The following CWH43 variants were observed in gnomAD, a reference collection of about 807,000 sequenced individuals.
CWH43 encodes cell wall biogenesis 43 C-terminal homolog, also known as PGAP2-interacting protein.
CWH43 carries 91 observed loss-of-function variants against 85.7 expected under a neutral mutation model. The ratio of observed to expected loss-of-function variants is 1.06; its 90% CI spans 0.90 to 1.26. The LOEUF is 1.26. CWH43 is among the 50% of genes most tolerant of loss of function. The pLI, the probability that CWH43 is intolerant of heterozygous loss-of-function variation, is 0.00. For synonymous variants in CWH43, 323 were observed against 293.6 expected, an observed-to-expected ratio of 1.10 and a Z score of -1.02; for missense variants, 869 against 839.2, an observed-to-expected ratio of 1.04 and a Z score of -0.44.
chr4:48,986,280 G>C lies in CWH43; in HGVS notation c.-150G>C, dbSNP rs1207026043. 1 of 734,804 alleles carries C rather than the reference G, an allele frequency of 1.4e-6. No individual in the cohort carries two copies. The highest frequency in any genetic ancestry group is 1.9e-5 in the South Asian group (1 of 52,878). 45.5% of individuals were successfully genotyped at this position (734,804 alleles called of 1,614,324 possible). On this transcript the variant is annotated 5_prime_UTR_variant, in exon 1 of 16. Coordinates refer to ENST00000226432, the MANE Select transcript of CWH43 (RefSeq NM_025087.3). ...CTCGGTTCGGCAAGTGGGTCAGTTG[G>C]CTGGGGCTCACTTGGCAACGGGACG... is the stretch of plus-strand genomic sequence containing the variant.
chr4:48,991,592 T>C lies in CWH43; in HGVS notation c.356+18T>C. On this transcript the variant is annotated intron_variant, in intron 3 of 15. Coordinates refer to ENST00000226432, the MANE Select transcript of CWH43 (RefSeq NM_025087.3). Reference sequence around the variant, plus strand: ...TTGCAAAGGTATGGTTAATGTTTCATGTACTTATAGACAAACAAGTATAAC... The same window carrying C: ...TTGCAAAGGTATGGTTAATGTTTCACGTACTTATAGACAAACAAGTATAAC... The C allele has an allele frequency of 6.2e-7, 1 of 1,613,368 alleles. No individual in the cohort carries two copies. The highest frequency in any genetic ancestry group is 8.5e-7 in the Non-Finnish European group (1 of 1,179,756).
rs552432095 is a variant in CWH43, at chr4:49,021,552, A to C, written c.1266+4224A>C. The stretch of plus-strand genomic sequence containing the variant: ...TATGCAGACTCTTTTTTTGTTCCAT[A>C]TGAATTTTAGGATTTTTTTCCAGTT... On this transcript the variant is annotated intron_variant, in intron 9 of 15. Transcript: ENST00000226432. 2.0e-5 allele frequency among the ~76,000 whole-genome samples: 3 copies of C among 152,102 alleles called. No homozygotes were observed. The South Asian group carries it at 6.2e-4, about 32-fold the overall frequency.
At chr4:49,045,693 C>T (rs544898153) in intron 14 of CWH43, among the ~76,000 whole-genome samples, 5 of 152,204 alleles carry the variant, frequency 3.3e-5, no homozygotes, top group South Asian at 2.1e-4. Flanking sequence ...ATGACAAAAT[C>T]GCCTTATGAC....
intron 13 of CWH43, among the ~76,000 whole-genome samples, chr4:49,039,306 G>GATATATATATATATATATATAT (rs71600797): frequency 0.045 from 206 of 4,534 alleles, 42 homozygotes; most frequent in South Asian, 0.056. Context: ...TCAGGAGACT[G>GATATATATATATATATATATAT]ATATATATAT....
At chr4:49,042,470 G>T (rs2109826987) in intron 13 of CWH43, among the ~76,000 whole-genome samples, 1 of 152,326 alleles carries the variant, frequency 6.6e-6, no homozygotes, top group East Asian at 1.9e-4. Context: ...TTTGGGCTGA[G>T]TTTGAGGCAT....
At chr4:49,036,578 C>T (rs1045090766) in intron 12 of CWH43, among the ~76,000 whole-genome samples, 1 of 152,082 alleles carries the variant, frequency 6.6e-6, no homozygotes, top group African/African-American at 2.4e-5. Flanking sequence ...TGTCATTTTC[C>T]CCCTTAACAC....
chr4:49,030,107 G>C (rs1784046595), intron 10 of CWH43, among the ~76,000 whole-genome samples: 1 of 152,222 alleles, frequency 6.6e-6, no homozygotes, highest in Non-Finnish European at 1.5e-5. Flanking sequence ...ATGGGTCAGA[G>C]GGAGGTTGAT....
intron 9 of CWH43, among the ~76,000 whole-genome samples, chr4:49,017,996 C>T (rs1471121808): frequency 2.0e-5 from 3 of 151,858 alleles, no homozygotes; most frequent in Non-Finnish European, 2.9e-5. Context: ...CCACCATGCC[C>T]GGCTAATTTT....
chr4:48,988,333 C>A, intron 1 of CWH43, 144 bp from the exon 2 acceptor site: 1 of 466,520 alleles, frequency 2.1e-6, no homozygotes, highest in South Asian at 5.7e-5. Context: ...TGTTCCATGT[C>A]AGTGGAGACA....
chr4:49,037,233 G>A lies in CWH43; in HGVS notation c.1659-803G>A, dbSNP rs75928142. Among the ~76,000 whole-genome samples the A allele has an allele frequency of 9.7e-3, 1,474 of 152,258 alleles. 18 individuals carry two copies. The highest frequency in any genetic ancestry group is 0.029 in the African/African-American group (1,225 of 41,542). On this transcript the variant is annotated intron_variant, in intron 12 of 15. Transcript: ENST00000226432. ...GTGCTTAGCATAATAAAAGCACCAT[G>A]TTCAGCTGGTGTTTGAGCAGGAGAG...
rs1785179415 is a variant in CWH43, at chr4:49,062,078, A to G, written c.*188A>G. 1 of 322,466 alleles carries G rather than the reference A, an allele frequency of 3.1e-6. No homozygotes were observed. The highest frequency in any genetic ancestry group is 5.3e-6 in the Non-Finnish European group (1 of 189,588). The allele number at this position is 322,466 out of a possible 1,614,324, so 20.0% of individuals were successfully genotyped here. A position where few individuals can be genotyped will look rare whatever the true frequency, so the allele number is the denominator to read the frequency against. On this transcript the variant is annotated 3_prime_UTR_variant, in exon 16 of 16. Coordinates refer to ENST00000226432, the MANE Select transcript of CWH43 (RefSeq NM_025087.3). The stretch of plus-strand genomic sequence containing the variant: ...GTTGCTTAATAAAAACATTTCTCTA[A>G]ATTGTTTTCCCTAAATTTTGATAAA...
chr4:49,011,337 T>G (rs1195459086), intron 8 of CWH43, among the ~76,000 whole-genome samples: 1 of 152,150 alleles, frequency 6.6e-6, no homozygotes, highest in Admixed American at 6.6e-5. Flanking sequence ...TTGGTAGATC[T>G]TCCTCCATCC....
chr4:49,039,915 T>G (rs1784403873), intron 13 of CWH43, among the ~76,000 whole-genome samples: 1 of 150,870 alleles, frequency 6.6e-6, no homozygotes, highest in Non-Finnish European at 1.5e-5. Flanking sequence ...CCCACAACAG[T>G]CTCCAGAGTG....
intron 6 of CWH43, among the ~76,000 whole-genome samples, chr4:49,000,205 A>C (rs1360041101): frequency 6.6e-6 from 1 of 152,184 alleles, no homozygotes; most frequent in Non-Finnish European, 1.5e-5. Flanking sequence ...TATCAGTAAT[A>C]GAAGATTTAG....
At chr4:49,002,768 C>T (rs1228494043) in intron 6 of CWH43, among the ~76,000 whole-genome samples, 1 of 152,068 alleles carries the variant, frequency 6.6e-6, no homozygotes, top group Non-Finnish European at 1.5e-5. Flanking sequence ...AATAGGCAGT[C>T]AGGCAGGTGG....
chr4:49,003,658 G>T, intron 6 of CWH43, 77 bp from the exon 7 acceptor site: 1 of 1,442,040 alleles, frequency 6.9e-7, no homozygotes, highest in South Asian at 1.3e-5. Context: ...GGTCTGTTCT[G>T]GTCCTAAAGG....
At chr4:48,993,059 C>T (rs1484209581) in intron 4 of CWH43, among the ~76,000 whole-genome samples, 1 of 152,164 alleles carries the variant, frequency 6.6e-6, no homozygotes, top group Non-Finnish European at 1.5e-5. Flanking sequence ...CTGTTTACAT[C>T]TCCTGACTTT....
At chr4:49,048,179 A>G (rs1450028494) in intron 14 of CWH43, among the ~76,000 whole-genome samples, 2 of 152,152 alleles carry the variant, frequency 1.3e-5, no homozygotes, top group Non-Finnish European at 2.9e-5. Flanking sequence ...GTTGGGAACC[A>G]AGGAACAGTG....
At chr4:49,048,568 T>A (rs1784702582) in intron 14 of CWH43, among the ~76,000 whole-genome samples, 3 of 152,042 alleles carry the variant, frequency 2.0e-5, no homozygotes, top group Admixed American at 2.0e-4. Context: ...GGTGTCTGGT[T>A]AGGACTGTCC....
Sources: gnomAD v4.1 joint callset for allele counts (sites outside exome capture counted in the v4.1 genomes callset) on GRCh38, gnomAD v4.1.1 for gene constraint, MANE v1.5 for transcripts, NCBI Gene and HGNC (gene_info 2026-07-23, HGNC 2026-07-21) for gene names.